The following NALF1 variants were observed in gnomAD, a reference collection of about 807,000 sequenced individuals.
NALF1 encodes the protein NALCN channel auxiliary factor 1, also known as family with sequence similarity 155 member A.
In NALF1, 3 loss-of-function variants were observed where a neutral mutation model predicts 48.4. That is an observed-to-expected ratio of 0.06 (90% CI 0.03 to 0.16). The LOEUF (loss-of-function observed/expected upper bound fraction) is 0.16. NALF1 is among the 10% of genes least tolerant of loss of function. The pLI is 1.00. For missense variants in NALF1, 526 were observed against 571.5 expected (o/e 0.92, Z 0.81); for synonymous variants, 262 against 245.7 (o/e 1.07, Z -0.62).
chr13:107,173,035 G>C (rs962253580), intron 2 of NALF1, among the ~76,000 whole-genome samples: 6 of 151,954 alleles, frequency 3.9e-5, no homozygotes, highest in African/African-American at 1.5e-4. Context: ...TCTATATTAA[G>C]ATAAAATAAT....
At chr13:107,172,451 A>G (rs34873193) in intron 2 of NALF1, among the ~76,000 whole-genome samples, 5,649 of 152,302 alleles carry the variant, frequency 0.037, 130 homozygotes, top group Middle Eastern at 0.051. Flanking sequence ...TTAATTAAAA[A>G]TAATCTCAAA....
chr13:107,861,831 T>G (rs1880577985), intron 1 of NALF1, among the ~76,000 whole-genome samples: 1 of 147,324 alleles, frequency 6.8e-6, no homozygotes, highest in African/African-American at 2.5e-5. Flanking sequence ...ATTTAAGAAA[T>G]GCATTTTTTT....
chr13:107,862,990 A>G (rs1229821501), intron 1 of NALF1, among the ~76,000 whole-genome samples: 2 of 151,360 alleles, frequency 1.3e-5, no homozygotes, highest in African/African-American at 4.8e-5. Context: ...TGCTAACATG[A>G]TTTTATGTAT....
chr13:107,818,726 G>A (rs1353055643), intron 1 of NALF1, among the ~76,000 whole-genome samples: 3 of 148,058 alleles, frequency 2.0e-5, no homozygotes, highest in Non-Finnish European at 3.0e-5. Context: ...CAAAAAATTA[G>A]CCGGGCGTGG....
At chr13:107,258,937 T>C (rs1489951677) in intron 1 of NALF1, among the ~76,000 whole-genome samples, 1 of 152,188 alleles carries the variant, frequency 6.6e-6, no homozygotes, top group Non-Finnish European at 1.5e-5. Flanking sequence ...TGTGGCTCCC[T>C]ATGACAGGCG....
chr13:107,668,739 A>T (rs1026313856), intron 1 of NALF1, among the ~76,000 whole-genome samples: 1 of 152,040 alleles, frequency 6.6e-6, no homozygotes, highest in East Asian at 1.9e-4. Context: ...TCTCTGCCCT[A>T]TGAGACTCCA....
chr13:107,257,469 G>C (rs1265442905), intron 1 of NALF1, among the ~76,000 whole-genome samples: 1 of 149,884 alleles, frequency 6.7e-6, no homozygotes, highest in Non-Finnish European at 1.5e-5. Context: ...CACTAATGAG[G>C]CTTCAAAATT....
At chr13:107,308,041 AAT>A (rs1371895321) in intron 1 of NALF1, among the ~76,000 whole-genome samples, 10 of 152,116 alleles carry the variant, frequency 6.6e-5, no homozygotes, top group African/African-American at 2.2e-4. Context: ...AATATTATAA[AAT>A]ATGTCATGTG....
chr13:107,669,811 G>C (rs1319223113), intron 1 of NALF1, among the ~76,000 whole-genome samples: 1 of 152,068 alleles, frequency 6.6e-6, no homozygotes, highest in South Asian at 2.1e-4. Flanking sequence ...CAGAACAAAT[G>C]CAACTGCCTA....
intron 1 of NALF1, among the ~76,000 whole-genome samples, chr13:107,616,267 G>A (rs943199900): frequency 6.6e-6 from 1 of 152,170 alleles, no homozygotes; most frequent in African/African-American, 2.4e-5. Context: ...CGTTTAAAGT[G>A]GGCATCATTC....
chr13:107,667,702 C>T (rs962674445), intron 1 of NALF1, among the ~76,000 whole-genome samples: 5 of 151,930 alleles, frequency 3.3e-5, no homozygotes, highest in South Asian at 4.1e-4. Context: ...TAGAAAAAAA[C>T]GAATGCCATC....
At chr13:107,707,334 A>G (rs566027668) in intron 1 of NALF1, among the ~76,000 whole-genome samples, 31 of 152,324 alleles carry the variant, frequency 2.0e-4, no homozygotes, top group African/African-American at 7.0e-4. Context: ...TGCATCCAAT[A>G]TAAGTGGTAA....
intron 1 of NALF1, among the ~76,000 whole-genome samples, chr13:107,664,217 TACAC>T (rs1475313634): frequency 2.0e-5 from 3 of 152,202 alleles, no homozygotes; most frequent in Non-Finnish European, 4.4e-5. Flanking sequence ...GAATAGCCTC[TACAC>T]TTCTTTCTTT....
chr13:107,226,826 C>T (rs76557128), intron 1 of NALF1, among the ~76,000 whole-genome samples: 5,795 of 152,194 alleles, frequency 0.038, 173 homozygotes, highest in South Asian at 0.08. Context: ...TATTTTTCCT[C>T]TATTCCATGG....
At chr13:107,507,299 C>T (rs9520468) in intron 1 of NALF1, among the ~76,000 whole-genome samples, 91,156 of 151,828 alleles carry the variant, frequency 0.6, 30,470 homozygotes, top group Middle Eastern at 0.77. Flanking sequence ...TAAAAAATGG[C>T]AGTGGTATCT....
intron 1 of NALF1, among the ~76,000 whole-genome samples, chr13:107,739,424 T>C (rs539801929): frequency 1.4e-5 from 2 of 147,162 alleles, no homozygotes; most frequent in African/African-American, 4.9e-5. Context: ...ATATATAACA[T>C]ATAAAATATA....
At chr13:107,313,197 C>T (rs970021340) in intron 1 of NALF1, among the ~76,000 whole-genome samples, 2 of 150,790 alleles carry the variant, frequency 1.3e-5, no homozygotes, top group Admixed American at 1.3e-4. Context: ...ATGAAACTCC[C>T]AAAAAAATAG....
At chr13:107,705,946 A>C (rs900484905) in intron 1 of NALF1, among the ~76,000 whole-genome samples, 4 of 152,148 alleles carry the variant, frequency 2.6e-5, no homozygotes, top group African/African-American at 9.7e-5. Flanking sequence ...TATTTAAGAG[A>C]GAGAGAGAGA....
intron 1 of NALF1, among the ~76,000 whole-genome samples, chr13:107,769,733 A>C (rs983151200): frequency 5.3e-5 from 8 of 152,232 alleles, no homozygotes; most frequent in Non-Finnish European, 8.8e-5. Flanking sequence ...TTAGTCCTAA[A>C]AAAACGGTTC....
Sources: allele counts gnomAD v4.1 joint callset (sites outside exome capture counted in the v4.1 genomes callset), GRCh38; gene constraint gnomAD v4.1.1; transcripts MANE v1.5; gene names NCBI Gene and HGNC (gene_info 2026-07-23, HGNC 2026-07-21).